Variants in TAFA1 observed in about 807,000 individuals in gnomAD.
TAFA1 encodes chemokine-like protein TAFA-1.
In TAFA1, 4 loss-of-function variants were observed where a neutral mutation model predicts 18.5. The ratio of observed to expected loss-of-function variants is 0.22; its 90% confidence interval spans 0.11 to 0.49. The LOEUF (loss-of-function observed/expected upper bound fraction) is 0.49, where lower values mean the gene tolerates loss of function less well. TAFA1 is among the 20% of genes least tolerant of loss of function. The pLI is 0.98. For synonymous variants in TAFA1, 56 were observed against 55.2 expected (o/e 1.01, Z -0.06); for missense variants, 147 against 169.0 (o/e 0.87, Z 0.72).
At chr3:68,012,439 C>G (rs1266363074) in intron 2 of TAFA1, among the ~76,000 whole-genome samples, 1 of 152,022 alleles carries the variant, frequency 6.6e-6, no homozygotes, top group Non-Finnish European at 1.5e-5. Flanking sequence ...TGTCTATCTA[C>G]CCACGAGGAA....
intron 2 of TAFA1, among the ~76,000 whole-genome samples, chr3:68,112,492 T>A (rs1465598828): frequency 6.6e-6 from 1 of 152,174 alleles, no homozygotes; most frequent in Non-Finnish European, 1.5e-5. Flanking sequence ...TCTAATACAT[T>A]ATATTGGCCA....
intron 3 of TAFA1, among the ~76,000 whole-genome samples, chr3:68,531,351 G>A (rs1176832051): frequency 6.6e-6 from 1 of 150,940 alleles, no homozygotes; most frequent in East Asian, 1.9e-4. Context: ...GTTTAGAGCA[G>A]GAATGAAAGC....
intron 2 of TAFA1, among the ~76,000 whole-genome samples, chr3:68,330,429 A>C (rs1168177542): frequency 1.3e-5 from 2 of 152,228 alleles, no homozygotes; most frequent in African/African-American, 4.8e-5. Context: ...AAAGTCACAC[A>C]GGGGGATCTG....
intron 2 of TAFA1, among the ~76,000 whole-genome samples, chr3:68,190,703 G>A (rs2066326291): frequency 2.0e-5 from 3 of 151,828 alleles, no homozygotes; most frequent in Admixed American, 2.0e-4. Flanking sequence ...AAAGGTATGT[G>A]TTTTGGGAGG....
chr3:68,363,136 G>T (rs1442946773), intron 2 of TAFA1, among the ~76,000 whole-genome samples: 5 of 151,860 alleles, frequency 3.3e-5, no homozygotes, highest in Admixed American at 2.6e-4. Flanking sequence ...CTCAATCCTT[G>T]GCTCATGTTA....
intron 3 of TAFA1, among the ~76,000 whole-genome samples, chr3:68,507,015 C>G (rs1243394666): frequency 6.6e-6 from 1 of 152,098 alleles, no homozygotes; most frequent in Non-Finnish European, 1.5e-5. Flanking sequence ...CCATGCATAG[C>G]AAATTCATAG....
At chr3:68,307,549 A>G (rs922561892) in intron 2 of TAFA1, among the ~76,000 whole-genome samples, 117 of 152,194 alleles carry the variant, frequency 7.7e-4, no homozygotes, top group African/African-American at 2.8e-3. Flanking sequence ...AACTTACTGT[A>G]TATATGGCTT....
intron 2 of TAFA1, among the ~76,000 whole-genome samples, chr3:68,185,389 G>A (rs1055751921): frequency 3.1e-4 from 47 of 152,030 alleles, no homozygotes; most frequent in African/African-American, 1.1e-3. Context: ...AGGTAGAAGG[G>A]ACTGGAACCT....
intron 2 of TAFA1, among the ~76,000 whole-genome samples, chr3:68,182,184 G>A (rs1255877799): frequency 6.6e-6 from 1 of 152,190 alleles, no homozygotes; most frequent in East Asian, 1.9e-4. Context: ...ACTCCAGCCT[G>A]GGTGACAGAG....
At chr3:68,350,878 G>A (rs781427697) in intron 2 of TAFA1, among the ~76,000 whole-genome samples, 20 of 152,096 alleles carry the variant, frequency 1.3e-4, no homozygotes, top group Non-Finnish European at 5.9e-5. Context: ...ATTGCTAAAA[G>A]ACCAAGACCC....
At chr3:68,080,933 A>G (rs1559512709) in intron 2 of TAFA1, among the ~76,000 whole-genome samples, 1 of 152,048 alleles carries the variant, frequency 6.6e-6, no homozygotes, top group South Asian at 2.1e-4. Flanking sequence ...CATTCTCCCC[A>G]TCACTTTCAG....
At chr3:68,269,430 T>C (rs985047960) in intron 2 of TAFA1, among the ~76,000 whole-genome samples, 1 of 152,196 alleles carries the variant, frequency 6.6e-6, no homozygotes, top group Non-Finnish European at 1.5e-5. Context: ...ATTGCACCAC[T>C]GTACTCAAGC....
At chr3:68,143,784 A>G (rs1320770990) in intron 2 of TAFA1, among the ~76,000 whole-genome samples, 2 of 152,182 alleles carry the variant, frequency 1.3e-5, no homozygotes, top group African/African-American at 4.8e-5. Flanking sequence ...TTAATAGAGA[A>G]AGATGGGTCA....
intron 2 of TAFA1, among the ~76,000 whole-genome samples, chr3:68,376,052 G>A (rs2069808555): frequency 6.6e-6 from 1 of 152,054 alleles, no homozygotes; most frequent in Non-Finnish European, 1.5e-5. Context: ...GTTTGTCTTT[G>A]CACTAGTATT....
intron 3 of TAFA1, among the ~76,000 whole-genome samples, chr3:68,448,035 A>T (rs1213796095): frequency 2.6e-5 from 4 of 152,156 alleles, no homozygotes; most frequent in African/African-American, 9.7e-5. Flanking sequence ...CTGAGAAGTG[A>T]GCTCAGGAAT....
chr3:68,412,705 T>C (rs9842205), intron 2 of TAFA1, among the ~76,000 whole-genome samples: 106,702 of 150,966 alleles, frequency 0.71, 37,774 homozygotes, highest in African/African-American at 0.75. Context: ...AGGACATGAA[T>C]GCATCCTTTT....
chr3:68,432,670 C>T (rs1320899200), intron 3 of TAFA1, among the ~76,000 whole-genome samples: 2 of 152,012 alleles, frequency 1.3e-5, no homozygotes, highest in Admixed American at 1.3e-4. Context: ...TTGAACGCGA[C>T]ATGCCGTGTT....
intron 2 of TAFA1, among the ~76,000 whole-genome samples, chr3:68,286,331 G>C: frequency 6.6e-6 from 1 of 152,030 alleles, no homozygotes; most frequent in Non-Finnish European, 1.5e-5. Context: ...GTTAGTCCAC[G>C]GGGCTATCCA....
At chr3:68,243,460 C>A (rs1485844978) in intron 2 of TAFA1, among the ~76,000 whole-genome samples, 3 of 152,056 alleles carry the variant, frequency 2.0e-5, no homozygotes, top group African/African-American at 7.2e-5. Context: ...CATAGCCATA[C>A]CTACACCTCC....
Sources: allele counts gnomAD v4.1 joint callset (sites outside exome capture counted in the v4.1 genomes callset), GRCh38; gene constraint gnomAD v4.1.1; transcripts MANE v1.5; gene names NCBI Gene and HGNC (gene_info 2026-07-23, HGNC 2026-07-21).